The following GRID2 variants were observed in gnomAD, a reference collection of about 807,000 sequenced individuals.
GRID2 encodes glutamate ionotropic receptor delta type subunit 2.
GRID2 carries 33 observed loss-of-function variants against 114.8 expected under a neutral mutation model. The observed-to-expected ratio is 0.29, with a 90% CI of 0.22 to 0.38. The LOEUF (loss-of-function observed/expected upper bound fraction) is 0.38, where lower values mean the gene tolerates loss of function less well. Among genes scored for constraint, GRID2 ranks in the 10% least tolerant of loss-of-function variants. The probability of loss-of-function intolerance (pLI) is 1.00; values close to 1 mark genes in which losing one functional copy is unlikely to be tolerated. For missense variants in GRID2, 1,184 were observed against 1,257.7 expected (o/e 0.94, Z 0.89); for synonymous variants, 505 against 449.9 (o/e 1.12, Z -1.55).
At chr4:93,614,032 C>A (rs1256574296) in intron 13 of GRID2, among the ~76,000 whole-genome samples, 11 of 152,098 alleles carry the variant, frequency 7.2e-5, no homozygotes, top group African/African-American at 1.9e-4. Flanking sequence ...TTTTTTAAGC[C>A]GGTCTGAAAA....
chr4:93,317,293 C>T (rs926805208), intron 8 of GRID2, among the ~76,000 whole-genome samples: 3 of 149,972 alleles, frequency 2.0e-5, no homozygotes, highest in African/African-American at 7.4e-5. Context: ...GATTAGCTTG[C>T]GTATAGAGAT....
At chr4:93,569,791 T>C (rs1052354923) in intron 13 of GRID2, among the ~76,000 whole-genome samples, 1 of 152,174 alleles carries the variant, frequency 6.6e-6, no homozygotes, top group African/African-American at 2.4e-5. Flanking sequence ...GACTGTGCTG[T>C]TCTCTCAGAT....
At chr4:93,051,547 G>GA (rs1320833947) in intron 2 of GRID2, among the ~76,000 whole-genome samples, 1 of 151,902 alleles carries the variant, frequency 6.6e-6, no homozygotes, top group Admixed American at 6.6e-5. Flanking sequence ...TTACAGCTGA[G>GA]AAAAAACATA....
chr4:92,943,686 T>G (rs1018095447), intron 2 of GRID2, among the ~76,000 whole-genome samples: 3 of 152,194 alleles, frequency 2.0e-5, no homozygotes, highest in Non-Finnish European at 2.9e-5. Flanking sequence ...TTTTCTGCTC[T>G]GTTTTTTCCC....
chr4:92,476,691 G>A (rs1358041546), intron 1 of GRID2, among the ~76,000 whole-genome samples: 2 of 152,148 alleles, frequency 1.3e-5, no homozygotes, highest in East Asian at 3.9e-4. Context: ...AATTTCGTAT[G>A]TTTTTCTAAA....
intron 2 of GRID2, among the ~76,000 whole-genome samples, chr4:92,852,607 T>C (rs375930894): frequency 1.3e-5 from 2 of 152,056 alleles, no homozygotes; most frequent in African/African-American, 4.8e-5. Context: ...AATGCAATGA[T>C]TTTTTTCCAC....
chr4:93,758,774 T>C (rs1732969624), intron 14 of GRID2, among the ~76,000 whole-genome samples: 1 of 152,204 alleles, frequency 6.6e-6, no homozygotes, highest in African/African-American at 2.4e-5. Context: ...ATGACACCTT[T>C]TCATAAACAT....
At chr4:93,513,271 C>T (rs1480767628) in intron 12 of GRID2, among the ~76,000 whole-genome samples, 1 of 151,840 alleles carries the variant, frequency 6.6e-6, no homozygotes, top group Non-Finnish European at 1.5e-5. Context: ...ATATTCCATT[C>T]CTTCTTCCTG....
At chr4:92,548,233 A>T (rs1218144476) in intron 1 of GRID2, among the ~76,000 whole-genome samples, 1 of 151,990 alleles carries the variant, frequency 6.6e-6, no homozygotes, top group Non-Finnish European at 1.5e-5. Flanking sequence ...GACAAGGTGT[A>T]TGTCTTCCTT....
At chr4:92,915,277 C>G (rs756725121) in intron 2 of GRID2, among the ~76,000 whole-genome samples, 1 of 152,096 alleles carries the variant, frequency 6.6e-6, no homozygotes, top group Non-Finnish European at 1.5e-5. Flanking sequence ...TAATGCCTAA[C>G]AGCATAGATT....
At chr4:93,790,620 A>T (rs140186342) in intron 1 of GRID2, among the ~76,000 whole-genome samples, 1 of 151,770 alleles carries the variant, frequency 6.6e-6, no homozygotes, top group African/African-American at 2.4e-5. Context: ...GATCTTAACT[A>T]TAAAATTATT....
At chr4:93,585,241 A>G (rs950975986) in intron 13 of GRID2, among the ~76,000 whole-genome samples, 1 of 152,018 alleles carries the variant, frequency 6.6e-6, no homozygotes, top group African/African-American at 2.4e-5. Context: ...CTTCAAAGAA[A>G]TCCCTCAGGA....
intron 1 of GRID2, among the ~76,000 whole-genome samples, chr4:92,510,890 A>C (rs1724213785): frequency 6.6e-6 from 1 of 151,358 alleles, no homozygotes; most frequent in African/African-American, 2.4e-5. Context: ...ATAAGAAGGA[A>C]TCCAGTAAAG....
intron 2 of GRID2, among the ~76,000 whole-genome samples, chr4:92,634,933 C>A (rs996748862): frequency 1.3e-5 from 2 of 151,452 alleles, no homozygotes; most frequent in East Asian, 3.9e-4. Flanking sequence ...CTGGGTCAGA[C>A]AGAAGTATTT....
At chr4:92,710,400 T>C (rs1444854646) in intron 2 of GRID2, among the ~76,000 whole-genome samples, 1 of 152,222 alleles carries the variant, frequency 6.6e-6, no homozygotes, top group Non-Finnish European at 1.5e-5. Flanking sequence ...TTATAATTCA[T>C]TTAGCAGCTT....
intron 2 of GRID2, among the ~76,000 whole-genome samples, chr4:92,628,303 T>A (rs549704291): frequency 1.2e-4 from 19 of 152,178 alleles, no homozygotes; most frequent in African/African-American, 3.4e-4. Flanking sequence ...GGGAAAAAGA[T>A]GACAGCAGTA....
At chr4:93,704,305 T>C (rs1727794686) in intron 14 of GRID2, among the ~76,000 whole-genome samples, 1 of 152,224 alleles carries the variant, frequency 6.6e-6, no homozygotes, top group African/African-American at 2.4e-5. Flanking sequence ...TTTTAAGAAG[T>C]GTCTGTTCAT....
chr4:92,614,043 C>A (rs1344252837), intron 2 of GRID2, among the ~76,000 whole-genome samples: 4 of 151,336 alleles, frequency 2.6e-5, no homozygotes, highest in Non-Finnish European at 5.9e-5. Flanking sequence ...TTTGTTGGTG[C>A]ATTCCATATC....
At chr4:92,947,125 A>G (rs770909463) in intron 2 of GRID2, among the ~76,000 whole-genome samples, 8 of 152,076 alleles carry the variant, frequency 5.3e-5, no homozygotes, top group Non-Finnish European at 1.0e-4. Flanking sequence ...GGGTTTATTT[A>G]TATGTCTGTT....
Sources: allele counts gnomAD v4.1 joint callset (sites outside exome capture counted in the v4.1 genomes callset), GRCh38; gene constraint gnomAD v4.1.1; transcripts MANE v1.5; gene names NCBI Gene and HGNC (gene_info 2026-07-23, HGNC 2026-07-21).